TOPAZ1: variants seen among roughly 807,000 people sequenced by gnomAD.
TOPAZ1 encodes protein TOPAZ1.
TOPAZ1 carries 66 observed loss-of-function variants against 172.2 expected under a neutral mutation model. The ratio of observed to expected loss-of-function variants is 0.38; its 90% confidence interval spans 0.31 to 0.47. The LOEUF is 0.47. Ranked by LOEUF, TOPAZ1 falls within the 20% of genes least tolerant of loss-of-function variation. The probability of loss-of-function intolerance (pLI) is 0.99; values close to 1 mark genes in which losing one functional copy is unlikely to be tolerated. For missense variants in TOPAZ1, 1,822 were observed against 1,972.4 expected (o/e 0.92, Z 1.44); for synonymous variants, 681 against 683.9 (o/e 1.00, Z 0.07).
At chr3:44,268,366 C>CTTTTTTTTTTTTTT (rs34027226) in intron 6 of TOPAZ1, among the ~76,000 whole-genome samples, 1 of 67,472 alleles carries the variant, frequency 1.5e-5, no homozygotes, top group African/African-American at 5.4e-5. Context: ...GGTGCCTATT[C>CTTTTTTTTTTTTTT]TTTTTTTTTT....
chr3:44,298,061 C>T (rs151003596), intron 12 of TOPAZ1, among the ~76,000 whole-genome samples: 165 of 152,276 alleles, frequency 1.1e-3, no homozygotes, highest in African/African-American at 3.8e-3. Context: ...ATTGGTTTAA[C>T]TCAATTCCTA....
chr3:44,273,286 C>T (rs7349467), intron 8 of TOPAZ1, among the ~76,000 whole-genome samples: 67,742 of 151,988 alleles, frequency 0.45, 16,736 homozygotes, highest in East Asian at 0.81. Flanking sequence ...TTAGCAGGGA[C>T]ACACTGAAGC....
chr3:44,282,998 T>C (rs1700039945), intron 9 of TOPAZ1, among the ~76,000 whole-genome samples: 1 of 152,130 alleles, frequency 6.6e-6, no homozygotes, highest in South Asian at 2.1e-4. Flanking sequence ...AGGTTAGATA[T>C]GGATGAACTT....
chr3:44,312,179 G>T (rs1285007623), intron 16 of TOPAZ1, among the ~76,000 whole-genome samples: 1 of 150,966 alleles, frequency 6.6e-6, no homozygotes, highest in Non-Finnish European at 1.5e-5. Context: ...AGCAGAATGA[G>T]GCAGATCTGT....
chr3:44,281,902 G>C, intron 8 of TOPAZ1, 66 bp from the exon 9 acceptor site: 3 of 977,902 alleles, frequency 3.1e-6, no homozygotes, highest in Non-Finnish European at 4.6e-6. Context: ...AGATAGGATT[G>C]AAATGTGTAT....
At chr3:44,314,149 A>G (rs1023561605) in intron 16 of TOPAZ1, among the ~76,000 whole-genome samples, 6 of 151,974 alleles carry the variant, frequency 3.9e-5, no homozygotes, top group African/African-American at 1.5e-4. Flanking sequence ...GGATGGTCTC[A>G]ATCTCCTGAC....
chr3:44,288,017 G>A (rs1415628964), intron 11 of TOPAZ1, among the ~76,000 whole-genome samples, 178 bp downstream of exon 11: 1 of 152,070 alleles, frequency 6.6e-6, no homozygotes, highest in Non-Finnish European at 1.5e-5. Flanking sequence ...TCCAGTGGCT[G>A]ATAAGCCTTC....
chr3:44,262,527 C>A, intron 5 of TOPAZ1, 44 bp downstream of exon 5: 3 of 1,016,582 alleles, frequency 3.0e-6, no homozygotes, highest in South Asian at 3.1e-5. Context: ...AATAGTCACT[C>A]ATCTAATTTA....
chr3:44,269,927 C>A (rs1024994273), intron 7 of TOPAZ1, among the ~76,000 whole-genome samples: 2 of 152,138 alleles, frequency 1.3e-5, no homozygotes, highest in African/African-American at 4.8e-5. Flanking sequence ...CCCAGCCTAT[C>A]ATCATTTTTT....
intron 2 of TOPAZ1, among the ~76,000 whole-genome samples, chr3:44,254,255 G>A (rs1053697823): frequency 4.9e-4 from 75 of 152,126 alleles, no homozygotes; most frequent in African/African-American, 1.8e-3. Flanking sequence ...GTTGTCTTTA[G>A]GGACTACCAA....
intron 16 of TOPAZ1, among the ~76,000 whole-genome samples, chr3:44,320,385 CAA>C (rs1198711223): frequency 6.6e-6 from 1 of 152,154 alleles, no homozygotes; most frequent in African/African-American, 2.4e-5. Flanking sequence ...ATCACAAGGT[CAA>C]GAGATCGAGA....
intron 9 of TOPAZ1, among the ~76,000 whole-genome samples, chr3:44,283,947 A>G (rs1189454224): frequency 2.0e-5 from 3 of 152,336 alleles, no homozygotes; most frequent in East Asian, 3.9e-4. Context: ...TATTATTTAT[A>G]TTCAAATTTT....
chr3:44,310,086 A>G, intron 16 of TOPAZ1, 96 bp downstream of exon 16: 1 of 1,183,372 alleles, frequency 8.5e-7, no homozygotes. Context: ...AACTGTGGTT[A>G]ATAGTTTGGT....
rs112655871 is a variant in TOPAZ1, at chr3:44,304,029, G to T, written c.3812G>T (p.Arg1271Leu). The change falls in exon 13 of 20, where the codon CGA becomes CTA. Residue 1271 changes from arginine (R) to leucine (L), a missense_variant. Arg to Leu is a moderately radical substitution (Grantham distance 102, BLOSUM62 -2). Transcript: ENST00000309765. ...TTTTGTTAAAGGTTACAGATGAGAC[G>T]ATTTAAAAAGAACTGGAAGTGTGAT... ...LEMKSRLQMR[R>L]FKKNWKCDLD... 4 of 1,538,014 alleles carry T rather than the reference G, an allele frequency of 2.6e-6. No individual in the cohort carries two copies. The highest frequency in any genetic ancestry group is 2.5e-5 in the East Asian group (1 of 40,642).
chr3:44,299,610 C>T (rs982043565), intron 12 of TOPAZ1, among the ~76,000 whole-genome samples: 5 of 152,086 alleles, frequency 3.3e-5, no homozygotes, highest in African/African-American at 7.2e-5. Flanking sequence ...GGGTATATAC[C>T]GAAAGGACTA....
chr3:44,287,672 A>G (rs1048373708), intron 10 of TOPAZ1, 75 bp from the exon 11 acceptor site: 6 of 1,075,134 alleles, frequency 5.6e-6, no homozygotes, highest in Non-Finnish European at 6.5e-6. Flanking sequence ...GTTTTTCAAC[A>G]TAAATGAATT....
downstream of TOPAZ1, among the ~76,000 whole-genome samples, chr3:44,332,387 T>G (rs1474707458): frequency 6.6e-6 from 1 of 152,168 alleles, no homozygotes; most frequent in East Asian, 1.9e-4. Context: ...TAGTGTGTAC[T>G]CAGTCCAGTC....
Position 44,242,176 on chromosome 3 carries a change from G to T in TOPAZ1, c.123G>T (p.Gly41=). The T allele has an allele frequency of 1.9e-6, 3 of 1,545,180 alleles. No individual in the cohort carries two copies. The highest frequency in any genetic ancestry group is 2.6e-6 in the Non-Finnish European group (3 of 1,145,340). Residue 41 remains glycine (G), a synonymous_variant, in exon 1 of 20, where the codon GGG becomes GGT. Transcript: ENST00000309765. The part of the protein sequence containing the change: ...GAAGGCGPEA[G]GCRENKQKRR... Reference sequence around the variant, plus strand: ...CGGGAGGCTGTGGCCCTGAGGCCGGGGGGTGCCGGGAAAATAAGCAAAAGA... The same window carrying T: ...CGGGAGGCTGTGGCCCTGAGGCCGGTGGGTGCCGGGAAAATAAGCAAAAGA...
chr3:44,259,234 G>A (rs1372343259), intron 4 of TOPAZ1, among the ~76,000 whole-genome samples: 1 of 147,544 alleles, frequency 6.8e-6, no homozygotes, highest in East Asian at 1.9e-4. Flanking sequence ...CTTTTTGAGT[G>A]TAGACTTCCC....
Sources: allele counts gnomAD v4.1 joint callset (sites outside exome capture counted in the v4.1 genomes callset), GRCh38; gene constraint gnomAD v4.1.1; transcripts MANE v1.5; gene names NCBI Gene and HGNC (gene_info 2026-07-23, HGNC 2026-07-21).